RBFOX1: variants seen among roughly 807,000 people sequenced by gnomAD.
RBFOX1 encodes RNA binding fox-1 homolog 1, also known as RNA binding protein fox-1 homolog 1.
RBFOX1 carries 8 observed loss-of-function variants against 57.7 expected under a neutral mutation model. The ratio of observed to expected loss-of-function variants is 0.14; its 90% CI spans 0.08 to 0.25. The LOEUF (loss-of-function observed/expected upper bound fraction) is 0.25, where lower values mean the gene tolerates loss of function less well. Among genes scored for constraint, RBFOX1 ranks in the 10% least tolerant of loss-of-function variants. RBFOX1 has a pLI of 1.00. For synonymous variants in RBFOX1, 326 were observed against 222.4 expected (o/e 1.47, Z -4.15); for missense variants, 611 against 548.5 (o/e 1.11, Z -1.14).
At chr16:5,634,310 C>T (rs551123633) in intron 3 of RBFOX1, among the ~76,000 whole-genome samples, 1 of 152,290 alleles carries the variant, frequency 6.6e-6, no homozygotes, top group South Asian at 2.1e-4. Context: ...TTTCTCCATA[C>T]TTTATACAGA....
intron 4 of RBFOX1, among the ~76,000 whole-genome samples, chr16:5,954,203 C>G (rs1477899234): frequency 1.3e-5 from 2 of 152,172 alleles, no homozygotes; most frequent in African/African-American, 4.8e-5. Flanking sequence ...AATGCTTCAT[C>G]ACATATTCAG....
intron 4 of RBFOX1, among the ~76,000 whole-genome samples, chr16:7,285,860 G>C (rs189452358): frequency 4.7e-4 from 71 of 152,276 alleles, no homozygotes; most frequent in Middle Eastern, 3.4e-3. Flanking sequence ...GCAGGGTTTT[G>C]TGTGAACACA....
chr16:7,317,693 T>A (rs564400795), intron 4 of RBFOX1, among the ~76,000 whole-genome samples: 3 of 151,914 alleles, frequency 2.0e-5, no homozygotes, highest in South Asian at 4.2e-4. Context: ...AGTACAGGAG[T>A]GAAGTGCATT....
At chr16:5,425,407 ATG>A (rs2067529030) in intron 1 of RBFOX1, among the ~76,000 whole-genome samples, 1 of 151,974 alleles carries the variant, frequency 6.6e-6, no homozygotes, top group African/African-American at 2.4e-5. Flanking sequence ...CCCGGCCAGC[ATG>A]TGTGTTTTCT....
chr16:6,696,013 A>T (rs930799957), intron 3 of RBFOX1, among the ~76,000 whole-genome samples: 1 of 152,210 alleles, frequency 6.6e-6, no homozygotes, highest in Non-Finnish European at 1.5e-5. Flanking sequence ...TCTACAGCGT[A>T]TCCACTTAAA....
intron 3 of RBFOX1, among the ~76,000 whole-genome samples, chr16:5,659,594 C>T (rs770692048): frequency 1.4e-4 from 22 of 152,092 alleles, no homozygotes; most frequent in African/African-American, 2.4e-4. Context: ...TGAGCCACAC[C>T]GTGCCTGGCC....
chr16:6,432,934 C>T (rs1053841225), intron 2 of RBFOX1, among the ~76,000 whole-genome samples: 1 of 152,162 alleles, frequency 6.6e-6, no homozygotes, highest in African/African-American at 2.4e-5. Context: ...GCCGAGATTG[C>T]ACCACTGCAC....
At chr16:6,799,311 A>G (rs555657276) in intron 3 of RBFOX1, among the ~76,000 whole-genome samples, 2 of 152,164 alleles carry the variant, frequency 1.3e-5, no homozygotes, top group African/African-American at 2.4e-5. Flanking sequence ...ATTTCTAGCT[A>G]CTTATCATTA....
At position 7,128,977 on chromosome 16, in the gene RBFOX1, C is replaced by T. The variant is rs142918260; in HGVS notation, c.27+76879C>T. On this transcript the variant is annotated intron_variant, in intron 4 of 15. Coordinates refer to ENST00000550418, the MANE Select transcript of RBFOX1 (RefSeq NM_018723.4). ...CTGGGACTACAGGTGCATGACACCA[C>T]GCCCAGTTAATTTTTGTATTTTTAG... Among the ~76,000 whole-genome samples, 660 of 151,944 alleles carry T rather than the reference C, an allele frequency of 4.3e-3. 6 individuals are homozygous for T. The highest frequency in any genetic ancestry group is 0.015 in the African/African-American group (624 of 41,426).
rs2094938200 is a variant in RBFOX1 at position 6,462,311 on chromosome 16, T to C, written c.-64+145254T>C. ...GTATGGTCCCCTTTGCTGATACAAT[T>C]ATCCATGTGCATGCTTATGCTTTTT... On this transcript the variant is annotated intron_variant, in intron 2 of 15. Coordinates refer to ENST00000550418, the MANE Select transcript of RBFOX1 (RefSeq NM_018723.4). Among the ~76,000 whole-genome samples, 3 of 152,190 alleles carry C rather than the reference T, an allele frequency of 2.0e-5. No individual in the cohort carries two copies. The South Asian group carries it at 6.2e-4, about 32-fold the overall frequency.
At chr16:6,608,219 C>T (rs1201033765) in intron 2 of RBFOX1, among the ~76,000 whole-genome samples, 1 of 152,084 alleles carries the variant, frequency 6.6e-6, no homozygotes, top group Non-Finnish European at 1.5e-5. Context: ...CAAATTATTT[C>T]TAAGGCAGCA....
chr16:6,486,435 GATT>G (rs1039530599), intron 2 of RBFOX1, among the ~76,000 whole-genome samples: 2 of 152,128 alleles, frequency 1.3e-5, no homozygotes, highest in South Asian at 2.1e-4. Flanking sequence ...ATAATAAAAT[GATT>G]ATTATTAATT....
intron 3 of RBFOX1, among the ~76,000 whole-genome samples, chr16:5,675,714 A>T (rs953982111): frequency 3.5e-4 from 53 of 152,204 alleles, no homozygotes; most frequent in African/African-American, 1.3e-3. Context: ...TCTGTCAGGG[A>T]GGGATAGATG....
chr16:7,428,242 A>G lies in RBFOX1; in HGVS notation c.28-89905A>G, dbSNP rs1296057910. Among the ~76,000 whole-genome samples the G allele has an allele frequency of 4.0e-5, 6 of 150,068 alleles. No individual in the cohort carries two copies. The South Asian group carries it at 8.5e-4, about 21-fold the overall frequency. ...AGTTTCTCCAACACCTAGCATTGCT[A>G]TTGGCATATCGTCACTGCAGTCAAC... On this transcript the variant is annotated intron_variant, in intron 4 of 15. Transcript: ENST00000550418.
chr16:7,177,734 T>C (rs7194727), intron 4 of RBFOX1, among the ~76,000 whole-genome samples: 36,502 of 152,080 alleles, frequency 0.24, 4,778 homozygotes, highest in Non-Finnish European at 0.31. Flanking sequence ...CATAAATATT[T>C]TAGATTTTGC....
rs968443911 is a variant in RBFOX1 at position 5,444,674 on chromosome 16, C to G, written c.220-22542C>G. ...ACAGAATGGCCAGAGGGAATTTTTA[C>G]AAGGGAAAAATATGGGGCTGGGTAA... On this transcript the variant is annotated intron_variant, in intron 1 of 2. Transcript: ENST00000585867. Among the ~76,000 whole-genome samples, 3 of 152,090 alleles carry G rather than the reference C, an allele frequency of 2.0e-5. No individual in the cohort carries two copies. The East Asian group carries it at 5.8e-4, about 29-fold the overall frequency.
At chr16:5,783,282 G>C (rs567996159) in intron 3 of RBFOX1, among the ~76,000 whole-genome samples, 3 of 152,266 alleles carry the variant, frequency 2.0e-5, no homozygotes, top group Non-Finnish European at 4.4e-5. Context: ...CTATGTATAA[G>C]ATATCTCTCT....
chr16:7,396,248 G>C (rs1006121930), intron 4 of RBFOX1, among the ~76,000 whole-genome samples: 2 of 152,120 alleles, frequency 1.3e-5, no homozygotes, highest in Admixed American at 1.3e-4. Flanking sequence ...CTGTCTACCT[G>C]TCTACACCGG....
intron 14 of RBFOX1, among the ~76,000 whole-genome samples, chr16:7,692,054 C>G (rs1296385723): frequency 1.3e-5 from 2 of 152,142 alleles, no homozygotes; most frequent in East Asian, 3.9e-4. Context: ...CCTTTGTTTT[C>G]AGGGATAAAT....
Sources: allele counts gnomAD v4.1 joint callset (sites outside exome capture counted in the v4.1 genomes callset), GRCh38; gene constraint gnomAD v4.1.1; transcripts MANE v1.5; gene names NCBI Gene and HGNC (gene_info 2026-07-23, HGNC 2026-07-21).